The following MGAT4C variants were observed in gnomAD, a reference collection of about 807,000 sequenced individuals.
The protein encoded by MGAT4C is alpha-1,3-mannosyl-glycoprotein 4-beta-N-acetylglucosaminyltransferase C.
A neutral mutation model predicts 40.1 loss-of-function variants in MGAT4C; 19 were observed. The observed-to-expected ratio is 0.47, with a 90% CI of 0.33 to 0.70. The LOEUF is 0.70. Among genes scored for constraint, MGAT4C ranks in the 30% least tolerant of loss-of-function variants. The pLI, the probability that MGAT4C is intolerant of heterozygous loss-of-function variation, is 0.02. For missense variants in MGAT4C, 491 were observed against 563.2 expected, an observed-to-expected ratio of 0.87 and a Z score of 1.30; for synonymous variants, 181 against 187.1, an observed-to-expected ratio of 0.97 and a Z score of 0.27.
rs201430044 is a variant in MGAT4C at position 86,388,699 on chromosome 12, T to C, written c.-120+46458A>G. On this transcript the variant is annotated intron_variant, in intron 3 of 7. Transcript: ENST00000548651. ...TGTTTTTTTTTTTTTTTTTTTTTTT[T>C]AGACAGAGTCTTGCTCTTGTTGCCC... Among the ~76,000 whole-genome samples, 98 of 148,934 alleles carry C rather than the reference T, an allele frequency of 6.6e-4. 2 individuals carry two copies. In the East Asian group the frequency reaches 0.015, roughly 22 times the overall value.
chr12:86,800,596 A>G (rs776850532), intron 1 of MGAT4C, among the ~76,000 whole-genome samples: 7 of 151,910 alleles, frequency 4.6e-5, no homozygotes, highest in African/African-American at 1.2e-4. Context: ...AGTAAACCAG[A>G]GGAGAGGAAC....
intron 1 of MGAT4C, among the ~76,000 whole-genome samples, chr12:86,800,380 T>A (rs1485301253): frequency 6.6e-6 from 1 of 151,914 alleles, no homozygotes; most frequent in African/African-American, 2.4e-5. Flanking sequence ...CTGTTGGTAA[T>A]CTCTGAATTG....
At chr12:86,788,993 G>A (rs1218607838) in intron 1 of MGAT4C, among the ~76,000 whole-genome samples, 1 of 152,108 alleles carries the variant, frequency 6.6e-6, no homozygotes, top group Non-Finnish European at 1.5e-5. Flanking sequence ...ACTTGAAAAT[G>A]TGTAGCTCAC....
chr12:86,231,609 T>C (rs750640368), intron 1 of MGAT4C, among the ~76,000 whole-genome samples: 18 of 152,176 alleles, frequency 1.2e-4, no homozygotes, highest in Admixed American at 2.0e-4. Flanking sequence ...TGTATTTGAA[T>C]TCCTCTGAAC....
At chr12:86,619,638 G>T (rs1011991784) in intron 2 of MGAT4C, among the ~76,000 whole-genome samples, 2 of 151,942 alleles carry the variant, frequency 1.3e-5, no homozygotes, top group African/African-American at 4.8e-5. Flanking sequence ...TCTGTCTCCT[G>T]TGCCCATATA....
chr12:86,818,686 A>G (rs577705643), intron 1 of MGAT4C, among the ~76,000 whole-genome samples: 2 of 151,184 alleles, frequency 1.3e-5, no homozygotes, highest in Non-Finnish European at 3.0e-5. Flanking sequence ...GAAGCTTCTA[A>G]AGAAAAAACG....
rs1048873670 is a variant in MGAT4C, at chr12:86,001,542, G to C, written c.-6-11990C>G. ...CTGGTTGATTGATGGATGAGCCATTGGTGATTTCGACTCCTGAGCCAGTGC... is the reference window on the plus strand; with the variant it reads ...CTGGTTGATTGATGGATGAGCCATTCGTGATTTCGACTCCTGAGCCAGTGC... On this transcript the variant is annotated intron_variant, in intron 2 of 4. Coordinates refer to ENST00000611864, the MANE Select transcript of MGAT4C (RefSeq NM_001351288.2). 8.4e-6 allele frequency: 6 copies of C among 715,716 alleles called. No homozygotes were observed. The South Asian group carries it at 1.9e-4, about 22-fold the overall frequency. The allele number at this position is 715,716 out of a possible 1,614,324, so 44.3% of individuals were successfully genotyped here. A position where few individuals can be genotyped will look rare whatever the true frequency, so the allele number is the denominator to read the frequency against.
At chr12:86,678,983 T>C (rs968377329) in intron 2 of MGAT4C, among the ~76,000 whole-genome samples, 1 of 152,140 alleles carries the variant, frequency 6.6e-6, no homozygotes, top group Non-Finnish European at 1.5e-5. Flanking sequence ...TTTCTAGCTC[T>C]AGATCCCTGA....
intron 2 of MGAT4C, among the ~76,000 whole-genome samples, chr12:86,461,504 C>G (rs976995261): frequency 3.3e-5 from 5 of 152,070 alleles, no homozygotes; most frequent in Non-Finnish European, 7.3e-5. Flanking sequence ...CTCGGCCTCC[C>G]AAAGTGCTGG....
At chr12:86,666,466 T>C (rs1275139736) in intron 2 of MGAT4C, among the ~76,000 whole-genome samples, 1 of 152,184 alleles carries the variant, frequency 6.6e-6, no homozygotes. Flanking sequence ...TAACATCTTC[T>C]GGCATTTCAT....
intron 4 of MGAT4C, among the ~76,000 whole-genome samples, chr12:86,277,175 A>G (rs1953098083): frequency 6.6e-6 from 1 of 152,078 alleles, no homozygotes; most frequent in Non-Finnish European, 1.5e-5. Flanking sequence ...GCCTTTCTCA[A>G]TGTTGAGCAC....
intron 4 of MGAT4C, among the ~76,000 whole-genome samples, chr12:86,280,573 T>G (rs2136117500): frequency 6.6e-6 from 1 of 152,152 alleles, no homozygotes; most frequent in East Asian, 1.9e-4. Flanking sequence ...TTTAGAATGC[T>G]TTTTCATGCT....
intron 1 of MGAT4C, among the ~76,000 whole-genome samples, chr12:86,228,088 A>C (rs17286498): frequency 0.014 from 2,086 of 151,952 alleles, 25 homozygotes; most frequent in South Asian, 0.031. Context: ...GTACCATATC[A>C]GATGTCAGGG....
intron 1 of MGAT4C, among the ~76,000 whole-genome samples, chr12:86,204,413 A>C (rs1950176546): frequency 6.6e-6 from 1 of 152,166 alleles, no homozygotes; most frequent in Non-Finnish European, 1.5e-5. Context: ...ACTGCTGCAA[A>C]GAAGCTTATA....
At chr12:86,014,980 T>C (rs1026951860) in intron 2 of MGAT4C, among the ~76,000 whole-genome samples, 2 of 143,598 alleles carry the variant, frequency 1.4e-5, no homozygotes, top group Non-Finnish European at 3.0e-5. Context: ...CTTTCTTTCT[T>C]TTTTTTTTTT....
At chr12:86,026,087 C>T (rs979749131) in intron 2 of MGAT4C, among the ~76,000 whole-genome samples, 5 of 151,662 alleles carry the variant, frequency 3.3e-5, no homozygotes, top group Middle Eastern at 3.4e-3. Flanking sequence ...TTGCTAACAC[C>T]GAAATTTTTA....
intron 1 of MGAT4C, among the ~76,000 whole-genome samples, chr12:86,053,761 G>A (rs1893118925): frequency 6.6e-6 from 1 of 151,804 alleles, no homozygotes; most frequent in African/African-American, 2.4e-5. Context: ...TTAAAAATGG[G>A]CCAAGTACAG....
intron 1 of MGAT4C, among the ~76,000 whole-genome samples, chr12:86,782,974 C>CCGG (rs1951870258): frequency 2.0e-5 from 3 of 152,154 alleles, no homozygotes; most frequent in Non-Finnish European, 4.4e-5. Context: ...CTGCAGCAGA[C>CCGG]TAATATAATT....
At chr12:86,826,009 C>T (rs1396064645) in intron 1 of MGAT4C, among the ~76,000 whole-genome samples, 1 of 151,354 alleles carries the variant, frequency 6.6e-6, no homozygotes, top group Admixed American at 6.6e-5. Flanking sequence ...ATTGGGGTGA[C>T]ACCAGAGTAC....
Sources: allele counts gnomAD v4.1 joint callset (sites outside exome capture counted in the v4.1 genomes callset), GRCh38; gene constraint gnomAD v4.1.1; transcripts MANE v1.5; gene names NCBI Gene and HGNC (gene_info 2026-07-23, HGNC 2026-07-21).